The following EGFLAM variants were observed in gnomAD, a reference collection of about 807,000 sequenced individuals.
EGFLAM encodes pikachurin.
EGFLAM carries 79 observed loss-of-function variants against 113.1 expected under a neutral mutation model. The ratio of observed to expected loss-of-function variants is 0.70; its 90% CI spans 0.58 to 0.84. The LOEUF is 0.84. EGFLAM is among the 40% of genes least tolerant of loss of function. The probability of loss-of-function intolerance (pLI) is 0.00; values close to 1 mark genes in which losing one functional copy is unlikely to be tolerated. For synonymous variants in EGFLAM, 504 were observed against 487.6 expected (o/e 1.03, Z -0.44); for missense variants, 1,265 against 1,291.6 (o/e 0.98, Z 0.32).
intron 17 of EGFLAM, among the ~76,000 whole-genome samples, chr5:38,440,214 A>G (rs1040982883): frequency 1.3e-5 from 2 of 152,204 alleles, no homozygotes; most frequent in African/African-American, 4.8e-5. Flanking sequence ...TAGAACCAAG[A>G]TTGGAACCCA....
At chr5:38,310,194 T>C (rs1307150046) in intron 1 of EGFLAM, among the ~76,000 whole-genome samples, 1 of 152,226 alleles carries the variant, frequency 6.6e-6, no homozygotes, top group Non-Finnish European at 1.5e-5. Flanking sequence ...AGTATAATCT[T>C]TCCTCCTCTT....
intron 19 of EGFLAM, among the ~76,000 whole-genome samples, chr5:38,452,075 C>T (rs1471553852): frequency 7.1e-6 from 1 of 140,506 alleles, no homozygotes; most frequent in African/African-American, 2.7e-5. Context: ...TTGCTGTTGT[C>T]GCCCAGGCCA....
intron 11 of EGFLAM, among the ~76,000 whole-genome samples, chr5:38,417,080 G>A (rs1028040150): frequency 1.5e-4 from 23 of 152,050 alleles, no homozygotes; most frequent in African/African-American, 2.2e-4. Context: ...CAGGCCGGGC[G>A]TGGTAGCTCA....
chr5:38,390,719 AT>A (rs1165238505), intron 6 of EGFLAM, among the ~76,000 whole-genome samples: 1 of 152,198 alleles, frequency 6.6e-6, no homozygotes, highest in Non-Finnish European at 1.5e-5. Context: ...ATTATTTTGA[AT>A]TGTACTTCTC....
chr5:38,424,883 C>T, intron 12 of EGFLAM, 84 bp from the exon 13 acceptor site: 1 of 1,545,104 alleles, frequency 6.5e-7, no homozygotes, highest in East Asian at 2.3e-5. Flanking sequence ...TATTCAGAAC[C>T]ATGAGCTGCT....
intron 20 of EGFLAM, among the ~76,000 whole-genome samples, chr5:38,461,833 G>A (rs968108847): frequency 9.9e-5 from 15 of 152,068 alleles, no homozygotes; most frequent in African/African-American, 3.4e-4. Context: ...TCTTCCTGTC[G>A]TCAGAGTCAC....
At chr5:38,421,981 A>G (rs900695093) in intron 12 of EGFLAM, among the ~76,000 whole-genome samples, 1 of 152,142 alleles carries the variant, frequency 6.6e-6, no homozygotes, top group Admixed American at 6.5e-5. Context: ...AGTAGGTCAC[A>G]TGACAAATAA....
rs749823536 is a variant in EGFLAM at position 38,448,346 on chromosome 5, A to T, written c.2510A>T (p.Tyr837Phe). 1.1e-5 allele frequency: 18 copies of T among 1,614,030 alleles called. No homozygotes were observed. The change falls in exon 18 of 22, where the codon TAC (tyrosine) becomes TTC (phenylalanine). Residue 837 changes from tyrosine (Y) to phenylalanine (F), a missense_variant. Tyr to Phe is a conservative substitution (Grantham distance 22). Transcript: ENST00000322350. ...IEIPQFIGRS[Y>F]LTYDNPDILK... is the part of the protein sequence containing the mutation. ...ATCCCGCAGTTTATCGGCCGCAGTT[A>T]CCTGACGTATGACAACCCAGATATC...
chr5:38,377,180 C>T (rs1415417418), intron 6 of EGFLAM, among the ~76,000 whole-genome samples: 3 of 151,038 alleles, frequency 2.0e-5, no homozygotes, highest in African/African-American at 7.3e-5. Flanking sequence ...GGAGTGCAGT[C>T]GTGCGATCTC....
rs778868262 is a variant in EGFLAM at position 38,283,284 on chromosome 5, G to A, written c.97+24433G>A. Among the ~76,000 whole-genome samples the A allele has an allele frequency of 2.0e-5, 3 of 152,136 alleles. No individual in the cohort carries two copies. The South Asian group carries it at 6.2e-4, about 31-fold the overall frequency. The stretch of plus-strand genomic sequence containing the variant: ...ACCTCCAACAATTACTGGAGGGGGA[G>A]GGGGGAAAAGCTTTATTCATTTGTG... On this transcript the variant is annotated intron_variant, in intron 1 of 21. Transcript: ENST00000322350.
At chr5:38,365,090 C>A (rs1461178346) in intron 5 of EGFLAM, among the ~76,000 whole-genome samples, 2 of 152,142 alleles carry the variant, frequency 1.3e-5, no homozygotes, top group African/African-American at 4.8e-5. Flanking sequence ...CCAACAAATT[C>A]CACTCTCAAA....
At chr5:38,424,156 A>G (rs1741924987) in intron 12 of EGFLAM, among the ~76,000 whole-genome samples, 1 of 152,200 alleles carries the variant, frequency 6.6e-6, no homozygotes, top group Non-Finnish European at 1.5e-5. Context: ...CTTACACACA[A>G]AGAGAAAACA....
chr5:38,351,233 C>T (rs1210494015), intron 4 of EGFLAM, among the ~76,000 whole-genome samples: 5 of 151,880 alleles, frequency 3.3e-5, no homozygotes, highest in African/African-American at 1.2e-4. Flanking sequence ...CTCAGCCTCC[C>T]GAGTAGCTGG....
At chr5:38,375,288 A>G (rs1350207630) in intron 6 of EGFLAM, among the ~76,000 whole-genome samples, 1 of 152,138 alleles carries the variant, frequency 6.6e-6, no homozygotes, top group South Asian at 2.1e-4. Context: ...CCAAACCAAG[A>G]CACAGAAATG....
At chr5:38,296,198 A>G (rs1339228617) in intron 1 of EGFLAM, among the ~76,000 whole-genome samples, 1 of 152,218 alleles carries the variant, frequency 6.6e-6, no homozygotes, top group Non-Finnish European at 1.5e-5. Flanking sequence ...AGTTGTCTCC[A>G]TCTTTGTGGG....
chr5:38,464,625 CAG>C lies in EGFLAM; in HGVS notation c.*642_*643del, dbSNP rs1386764346. 2 of 152,304 alleles carry C rather than the reference CAG, an allele frequency of 1.3e-5. No individual in the cohort carries two copies. The highest frequency in any genetic ancestry group is 2.9e-5 in the Non-Finnish European group (2 of 68,114). The allele number at this position is 152,304 out of a possible 1,614,324, so 9.4% of individuals were successfully genotyped here. A position where few individuals can be genotyped will look rare whatever the true frequency, so the allele number is the denominator to read the frequency against. On this transcript the variant is annotated 3_prime_UTR_variant, in exon 22 of 22. Coordinates refer to ENST00000322350, the MANE Select transcript of EGFLAM (RefSeq NM_152403.4). ...TGTGAAATCCCTACTTCTTATAATG[CAG>C]AGTTAAGGAGCTGAGCCCCCATGAT...
chr5:38,347,386 C>G (rs902958823), intron 3 of EGFLAM, among the ~76,000 whole-genome samples: 1 of 152,034 alleles, frequency 6.6e-6, no homozygotes, highest in African/African-American at 2.4e-5. Context: ...TGGGTGGGGA[C>G]AAGGTGACAA....
chr5:38,399,710 G>A (rs1741056209), intron 6 of EGFLAM: 1 of 152,126 alleles, frequency 6.6e-6, no homozygotes, highest in Non-Finnish European at 1.5e-5. Context: ...CAGTACTTCG[G>A]GAGACTCTAT....
intron 1 of EGFLAM, among the ~76,000 whole-genome samples, chr5:38,308,179 AG>A (rs1758777177): frequency 1.3e-5 from 2 of 152,234 alleles, no homozygotes; most frequent in African/African-American, 4.8e-5. Flanking sequence ...AAAAGACAAA[AG>A]GGTAGCCTTT....
Sources: allele counts gnomAD v4.1 joint callset (sites outside exome capture counted in the v4.1 genomes callset), GRCh38; gene constraint gnomAD v4.1.1; transcripts MANE v1.5; gene names NCBI Gene and HGNC (gene_info 2026-07-23, HGNC 2026-07-21).